Variants in RIPK2 observed in about 807,000 individuals in gnomAD.
RIPK2 encodes receptor interacting serine/threonine kinase 2.
Under a neutral mutation model 60.9 loss-of-function variants are expected in RIPK2, and 38 were observed. The ratio of observed to expected loss-of-function variants is 0.62; its 90% CI spans 0.48 to 0.82. RIPK2 has a LOEUF of 0.82. RIPK2 is among the 40% of genes least tolerant of loss of function. The pLI, the probability that RIPK2 is intolerant of heterozygous loss-of-function variation, is 0.00. For synonymous variants in RIPK2, 225 were observed against 223.4 expected (o/e 1.01, Z -0.06); for missense variants, 518 against 647.0 (o/e 0.80, Z 2.16).
At chr8:89,778,633 G>A (rs562224549) in intron 6 of RIPK2, among the ~76,000 whole-genome samples, 2 of 152,136 alleles carry the variant, frequency 1.3e-5, no homozygotes, top group African/African-American at 4.8e-5. Context: ...TCCAGGTTTC[G>A]GCATGAATCA....
chr8:89,763,455 T>C (rs1809177745), intron 2 of RIPK2, among the ~76,000 whole-genome samples: 1 of 152,172 alleles, frequency 6.6e-6, no homozygotes, highest in Non-Finnish European at 1.5e-5. Context: ...GACAGTGGTA[T>C]CAGCCATTTA....
At chr8:89,784,490 T>C (rs1809553665) in intron 8 of RIPK2, among the ~76,000 whole-genome samples, 1 of 152,248 alleles carries the variant, frequency 6.6e-6, no homozygotes, top group Non-Finnish European at 1.5e-5. Flanking sequence ...CCTCTTATAA[T>C]AATTAATGAG....
intron 2 of RIPK2, 93 bp from the exon 3 acceptor site, chr8:89,765,248 T>C (rs1294714064): frequency 1.2e-6 from 1 of 843,968 alleles, no homozygotes; most frequent in Non-Finnish European, 1.9e-6. Flanking sequence ...TAGTTTATAC[T>C]GTATTTCCTC....
At chr8:89,775,134 T>C (rs1205532962) in intron 6 of RIPK2, among the ~76,000 whole-genome samples, 1 of 152,038 alleles carries the variant, frequency 6.6e-6, no homozygotes, top group Non-Finnish European at 1.5e-5. Flanking sequence ...AAGGATGATA[T>C]GGGGTCAAAA....
In RIPK2 at chr8:89,758,023, AG is replaced by A. The variant is rs1166977209; in HGVS notation, c.-33del. The A allele has an allele frequency of 6.6e-7, 1 of 1,519,958 alleles. No individual in the cohort carries two copies. The highest frequency in any genetic ancestry group is 8.9e-7 in the Non-Finnish European group (1 of 1,129,338). The allele number at this position is 1,519,958 out of a possible 1,614,324, so 94.2% of individuals were successfully genotyped here. On this transcript the variant is annotated 5_prime_UTR_variant, in exon 1 of 11. Coordinates refer to ENST00000220751, the MANE Select transcript of RIPK2 (RefSeq NM_003821.6). ...TGGGAGCCTTGGGAGCCGCCGCAGC[AG>A]GGGGCACACCCGGAACCGGCCTGAG... is the stretch of plus-strand genomic sequence containing the variant.
intron 6 of RIPK2, among the ~76,000 whole-genome samples, chr8:89,773,124 AGAG>A (rs1809341581): frequency 6.6e-6 from 1 of 152,186 alleles, no homozygotes; most frequent in Non-Finnish European, 1.5e-5. Flanking sequence ...CCCTGGGAAC[AGAG>A]TAGTAAACAA....
intron 10 of RIPK2, 136 bp downstream of exon 10, chr8:89,789,618 C>G: frequency 1.3e-6 from 1 of 783,274 alleles, no homozygotes; most frequent in Non-Finnish European, 2.0e-6. Flanking sequence ...AGTAGGAAAA[C>G]AAATCCCAGG....
intron 4 of RIPK2, among the ~76,000 whole-genome samples, chr8:89,771,211 T>G (rs1430340186): frequency 6.6e-6 from 1 of 151,914 alleles, no homozygotes; most frequent in Non-Finnish European, 1.5e-5. Context: ...GTGTCCATTT[T>G]GAATGCATGG....
At position 89,771,805 on chromosome 8, in the gene RIPK2, A is replaced by C. The variant is rs760874710; in HGVS notation, c.691+15A>C. 5 of 1,562,730 alleles carry C rather than the reference A, an allele frequency of 3.2e-6. No individual in the cohort carries two copies. Among genetic ancestry groups the C allele is most frequent in the Non-Finnish European group, 4.4e-6 (5 of 1,135,584 alleles). On this transcript the variant is annotated intron_variant, in intron 5 of 10. Coordinates refer to ENST00000220751, the MANE Select transcript of RIPK2 (RefSeq NM_003821.6). ...GCCTTTTGAAGGTAAGTATGGTTTG[A>C]CTTTTTTATGCTCAATAACATCATG...
intron 1 of RIPK2, among the ~76,000 whole-genome samples, chr8:89,759,819 T>C (rs1809116025): frequency 6.6e-6 from 1 of 152,224 alleles, no homozygotes. Flanking sequence ...CATTAGGTAT[T>C]GAAAAGCCAA....
chr8:89,772,684 C>G lies in RIPK2; in HGVS notation c.709C>G (p.Gln237Glu). Reference sequence around the variant, plus strand: ...TTTGACAGATGTCACCAATCCTTTGCAGATAATGTATAGTGTGTCACAAGG... The same window carrying G: ...TTTGACAGATGTCACCAATCCTTTGGAGATAATGTATAGTGTGTCACAAGG... Reference protein sequence around the residue: ...QPFEDVTNPLQIMYSVSQGHR... With the variant: ...QPFEDVTNPLEIMYSVSQGHR... Residue 237 changes from glutamine (Q) to glutamate (E), a missense_variant, in exon 6 of 11, where the codon CAG (glutamine) becomes GAG (glutamate). Gln to Glu is a conservative substitution (Grantham distance 29). This residue lies in a region of RIPK2 where 448 missense variants were observed against 534.7 expected (regional missense o/e 0.84). Coordinates refer to ENST00000220751, the MANE Select transcript of RIPK2 (RefSeq NM_003821.6). The G allele has an allele frequency of 6.2e-7, 1 of 1,602,562 alleles. No homozygotes were observed. Among genetic ancestry groups the G allele is most frequent in the Middle Eastern group, 1.7e-4 (1 of 6,002 alleles).
Position 89,790,421 on chromosome 8 carries a change from CTG to C in RIPK2, c.*7_*8del, listed in dbSNP as rs759873026. 1 of 1,546,460 alleles carries C rather than the reference CTG, an allele frequency of 6.5e-7. No individual in the cohort carries two copies. Among genetic ancestry groups the C allele is most frequent in the South Asian group, 1.2e-5 (1 of 82,964 alleles). On this transcript the variant is annotated 3_prime_UTR_variant, in exon 11 of 11. Transcript: ENST00000220751. The stretch of plus-strand genomic sequence containing the variant: ...CTTCAAAATAAAAGCATGTAAGTGA[CTG>C]TTTTTCAAGAAGAAATGTGTTTCAT...
chr8:89,786,691 G>A lies in RIPK2; in HGVS notation c.1123+5G>A, dbSNP rs1349613331. On this transcript the variant is annotated splice_donor_5th_base_variant and intron_variant, in intron 9 of 10. Transcript: ENST00000220751. ...AAGACAATGATTTTTTATCTAGTAT[G>A]TAGATTTTCCAATCATTATTTACTT... 1.4e-6 allele frequency: 2 copies of A among 1,475,240 alleles called. No homozygotes were observed. The highest frequency in any genetic ancestry group is 1.9e-6 in the Non-Finnish European group (2 of 1,074,272). 91.4% of individuals were successfully genotyped at this position (1,475,240 alleles called of 1,614,324 possible). A position where few individuals can be genotyped will look rare whatever the true frequency, so the allele number is the denominator to read the frequency against.
chr8:89,771,679 T>G, intron 4 of RIPK2, 62 bp from the exon 5 acceptor site: 2 of 1,134,512 alleles, frequency 1.8e-6, no homozygotes, highest in Non-Finnish European at 2.6e-6. Context: ...AATAGTGCTA[T>G]TTTAGTTTAT....
chr8:89,774,635 A>T (rs1246373525), intron 6 of RIPK2, among the ~76,000 whole-genome samples: 1 of 152,176 alleles, frequency 6.6e-6, no homozygotes, highest in African/African-American at 2.4e-5. Context: ...AAACGGTCAT[A>T]ATTACTGCTG....
rs1041571958 is a variant in RIPK2, at chr8:89,786,762, A to G, written c.1123+76A>G. 4.6e-5 allele frequency: 38 copies of G among 830,410 alleles called. No individual in the cohort carries two copies. In the Middle Eastern group the frequency reaches 1.2e-3, roughly 25 times the overall value. 51.4% of individuals were successfully genotyped at this position (830,410 alleles called of 1,614,324 possible). A position where few individuals can be genotyped will look rare whatever the true frequency, so the allele number is the denominator to read the frequency against. On this transcript the variant is annotated intron_variant, in intron 9 of 10. Coordinates refer to ENST00000220751, the MANE Select transcript of RIPK2 (RefSeq NM_003821.6). ...CAAGATCAAATTTTTGCAAGCAGTC[A>G]TGATTTCTATGGAACTTTAATTTGC...
chr8:89,772,330 A>G (rs1049659828), intron 5 of RIPK2, among the ~76,000 whole-genome samples: 3 of 152,074 alleles, frequency 2.0e-5, no homozygotes, highest in African/African-American at 7.2e-5. Context: ...CTTATGAAAT[A>G]AACATTTATT....
intron 2 of RIPK2, 83 bp downstream of exon 2, chr8:89,763,065 G>T (rs1809171825): frequency 4.5e-6 from 4 of 879,162 alleles, no homozygotes; most frequent in South Asian, 4.0e-5. Context: ...TATTTGGTCA[G>T]ATTATTTAGG....
At position 89,758,051 on chromosome 8, in the gene RIPK2, G is replaced by T; in HGVS notation, c.-10G>T. The T allele has an allele frequency of 6.3e-7, 1 of 1,581,040 alleles. No individual in the cohort carries two copies. The highest frequency in any genetic ancestry group is 8.6e-7 in the Non-Finnish European group (1 of 1,162,978). ...GGGCACACCCGGAACCGGCCTGAGC[G>T]CCCGGGACCATGAACGGGGAGGCCA... On this transcript the variant is annotated 5_prime_UTR_variant, in exon 1 of 11. Coordinates refer to ENST00000220751, the MANE Select transcript of RIPK2 (RefSeq NM_003821.6).
Sources: allele counts gnomAD v4.1 joint callset (sites outside exome capture counted in the v4.1 genomes callset), GRCh38; gene constraint gnomAD v4.1.1; regional missense constraint gnomAD v4.1.1; transcripts MANE v1.5; gene names NCBI Gene and HGNC (gene_info 2026-07-23, HGNC 2026-07-21).